Variants in UNC13C observed in about 807,000 individuals in gnomAD.
UNC13C encodes protein unc-13 homolog C.
Under a neutral mutation model 245.4 loss-of-function variants are expected in UNC13C, and 174 were observed. That is an observed-to-expected ratio of 0.71 (90% CI 0.63 to 0.80). UNC13C has a LOEUF of 0.80. UNC13C is among the 30% of genes least tolerant of loss of function. UNC13C has a pLI of 0.00. For synonymous variants in UNC13C, 992 were observed against 895.1 expected (o/e 1.11, Z -1.93); for missense variants, 2,829 against 2,602.9 (o/e 1.09, Z -1.89).
At chr15:54,332,912 T>A (rs955701367) in intron 15 of UNC13C, among the ~76,000 whole-genome samples, 7 of 152,006 alleles carry the variant, frequency 4.6e-5, no homozygotes, top group African/African-American at 1.7e-4. Flanking sequence ...ATACCAAATT[T>A]AATTTGGTAT....
chr15:53,850,962 T>C, the UNC13C span, among the ~76,000 whole-genome samples: 1 of 152,162 alleles, frequency 6.6e-6, no homozygotes, highest in South Asian at 2.1e-4. Context: ...GTGTCTAATC[T>C]GCTTTTAATT....
intron 13 of UNC13C, among the ~76,000 whole-genome samples, chr15:54,302,729 G>C (rs969729052): frequency 6.6e-6 from 1 of 151,996 alleles, no homozygotes; most frequent in African/African-American, 2.4e-5. Context: ...TGTTCTTTTT[G>C]CTTAGGATTG....
intron 2 of UNC13C, among the ~76,000 whole-genome samples, chr15:54,073,957 C>A (rs924546826): frequency 6.6e-6 from 1 of 151,944 alleles, no homozygotes. Flanking sequence ...TTTGCCCATG[C>A]CTATGTCCAG....
At chr15:54,532,216 C>G (rs980153547) in intron 25 of UNC13C, among the ~76,000 whole-genome samples, 2 of 152,126 alleles carry the variant, frequency 1.3e-5, no homozygotes, top group Non-Finnish European at 2.9e-5. Context: ...AGTTGTTCCC[C>G]TCCACGTGTC....
chr15:54,423,481 G>A (rs865986905), intron 19 of UNC13C, among the ~76,000 whole-genome samples: 6 of 151,828 alleles, frequency 4.0e-5, no homozygotes, highest in Middle Eastern at 3.4e-3. Flanking sequence ...GCCTGTTTTT[G>A]TGTACCTAGC....
At chr15:54,105,023 G>A (rs940621135) in intron 2 of UNC13C, among the ~76,000 whole-genome samples, 4 of 152,156 alleles carry the variant, frequency 2.6e-5, no homozygotes, top group African/African-American at 9.7e-5. Flanking sequence ...CACTTTGTCT[G>A]GAGGAAAAGC....
chr15:54,532,769 A>C, intron 25 of UNC13C, 148 bp from the exon 26 acceptor site: 1 of 555,042 alleles, frequency 1.8e-6, no homozygotes, highest in African/African-American at 1.9e-5. Flanking sequence ...TTGGAACAAA[A>C]ATTTTTGCAG....
intron 2 of UNC13C, among the ~76,000 whole-genome samples, chr15:54,054,028 G>A (rs1897389683): frequency 6.6e-6 from 1 of 152,170 alleles, no homozygotes; most frequent in African/African-American, 2.4e-5. Context: ...TTCGTCTGAT[G>A]ATAGACACTT....
At chr15:54,103,079 T>G (rs186372002) in intron 2 of UNC13C, among the ~76,000 whole-genome samples, 1 of 152,306 alleles carries the variant, frequency 6.6e-6, no homozygotes, top group East Asian at 1.9e-4. Context: ...AGGGTACAAA[T>G]CGGGGAGAGA....
chr15:54,170,874 G>T (rs1459782779), intron 4 of UNC13C, among the ~76,000 whole-genome samples: 3 of 152,056 alleles, frequency 2.0e-5, no homozygotes, highest in Non-Finnish European at 2.9e-5. Flanking sequence ...TCTGCCTAAA[G>T]GTATAAGCCA....
chr15:54,103,837 C>T (rs774975552), intron 2 of UNC13C, among the ~76,000 whole-genome samples: 22 of 152,116 alleles, frequency 1.4e-4, no homozygotes, highest in South Asian at 8.3e-4. Context: ...TCCACAGTCC[C>T]GGGGTCAAAT....
rs114117915 is a variant in UNC13C, at chr15:54,438,365, T to C, written c.4933+23298T>C. ...CTTCTAGTAAAGACTACAAGATATGTCCATGTCTACAAGAGAGCTGCATTT... is the reference window on the plus strand; with the variant it reads ...CTTCTAGTAAAGACTACAAGATATGCCCATGTCTACAAGAGAGCTGCATTT... On this transcript the variant is annotated intron_variant, in intron 19 of 32. Coordinates refer to ENST00000260323, the MANE Select transcript of UNC13C (RefSeq NM_001080534.3). Among the ~76,000 whole-genome samples, 1,197 of 152,080 alleles carry C rather than the reference T, an allele frequency of 7.9e-3. 8 individuals carry two copies. The highest frequency in any genetic ancestry group is 0.027 in the African/African-American group (1,134 of 41,528).
intron 2 of UNC13C, among the ~76,000 whole-genome samples, chr15:54,121,368 C>A (rs1234265021): frequency 6.6e-6 from 1 of 152,012 alleles, no homozygotes; most frequent in Non-Finnish European, 1.5e-5. Context: ...TTAAGGCATG[C>A]ACATTATTTT....
chr15:54,127,474 A>G (rs2031121474), intron 2 of UNC13C, among the ~76,000 whole-genome samples: 1 of 152,048 alleles, frequency 6.6e-6, no homozygotes, highest in Non-Finnish European at 1.5e-5. Context: ...CAAACACCGC[A>G]TGTTCTCACT....
intron 14 of UNC13C, among the ~76,000 whole-genome samples, chr15:54,327,897 C>A (rs967513451): frequency 6.6e-6 from 1 of 152,032 alleles, no homozygotes; most frequent in South Asian, 2.1e-4. Context: ...GAAAGGCATT[C>A]TTGGATTATG....
intron 4 of UNC13C, among the ~76,000 whole-genome samples, chr15:54,193,270 T>G (rs1567085423): frequency 6.6e-6 from 1 of 152,176 alleles, no homozygotes. Flanking sequence ...TCACCCTCAA[T>G]TACTACTGGT....
At chr15:54,577,895 G>T (rs1898026324) in intron 30 of UNC13C, among the ~76,000 whole-genome samples, 2 of 152,042 alleles carry the variant, frequency 1.3e-5, no homozygotes, top group African/African-American at 4.8e-5. Flanking sequence ...CCTTCATATG[G>T]GTCAAAGATT....
chr15:54,385,795 C>A lies in UNC13C; in HGVS notation c.4714-7253C>A, dbSNP rs969664544. 2.6e-5 allele frequency among the ~76,000 whole-genome samples: 4 copies of A among 151,736 alleles called. No homozygotes were observed. In the East Asian group the frequency reaches 7.7e-4, roughly 29 times the overall value. On this transcript the variant is annotated intron_variant, in intron 17 of 32. Coordinates refer to ENST00000260323, the MANE Select transcript of UNC13C (RefSeq NM_001080534.3). ...TGGCTTAATCATTATATGCTCTATG[C>A]GTGCAAGGAACACTCACATGTACCC...
intron 30 of UNC13C, among the ~76,000 whole-genome samples, chr15:54,594,420 AG>A (rs1327968135): frequency 2.0e-5 from 3 of 151,944 alleles, no homozygotes; most frequent in Non-Finnish European, 4.4e-5. Flanking sequence ...TCCTGCTACC[AG>A]GGTGGGTAGG....
Sources: allele counts gnomAD v4.1 joint callset (sites outside exome capture counted in the v4.1 genomes callset), GRCh38; gene constraint gnomAD v4.1.1; transcripts MANE v1.5; gene names NCBI Gene and HGNC (gene_info 2026-07-23, HGNC 2026-07-21).